Variants in MAGI2 observed in about 807,000 individuals in gnomAD.
MAGI2 encodes the protein membrane associated guanylate kinase, WW and PDZ domain containing 2.
A neutral mutation model predicts 133.3 loss-of-function variants in MAGI2; 35 were observed. That is an observed-to-expected ratio of 0.26 (90% confidence interval 0.20 to 0.35). The LOEUF (loss-of-function observed/expected upper bound fraction) is 0.35. Ranked by LOEUF, MAGI2 falls within the 10% of genes least tolerant of loss-of-function variation. The pLI is 1.00. For missense variants in MAGI2, 1,636 were observed against 1,863.4 expected (o/e 0.88, Z 2.25); for synonymous variants, 729 against 710.6 (o/e 1.03, Z -0.41).
chr7:78,297,114 A>ACTC (rs1217728881), intron 9 of MAGI2, among the ~76,000 whole-genome samples: 1 of 152,198 alleles, frequency 6.6e-6, no homozygotes, highest in African/African-American at 2.4e-5. Context: ...GTGGAGTATA[A>ACTC]CTCTAAGGTG....
intron 9 of MAGI2, among the ~76,000 whole-genome samples, chr7:78,283,197 CTT>C (rs1011561266): frequency 2.0e-3 from 303 of 152,154 alleles, no homozygotes; most frequent in African/African-American, 6.8e-3. Context: ...TATTCTAAAA[CTT>C]AAGTACAGAG....
At chr7:78,465,673 T>A (rs1790548410) in intron 6 of MAGI2, among the ~76,000 whole-genome samples, 1 of 152,204 alleles carries the variant, frequency 6.6e-6, no homozygotes, top group Admixed American at 6.5e-5. Context: ...AATAACTCTA[T>A]GAAAGAGGCT....
At chr7:79,420,724 A>G (rs1846897241) in intron 1 of MAGI2, among the ~76,000 whole-genome samples, 1 of 151,934 alleles carries the variant, frequency 6.6e-6, no homozygotes, top group Non-Finnish European at 1.5e-5. Context: ...GGTGAAATTC[A>G]TGGTCCACTA....
At chr7:78,669,117 T>G (rs944133299) in intron 2 of MAGI2, among the ~76,000 whole-genome samples, 1 of 151,992 alleles carries the variant, frequency 6.6e-6, no homozygotes, top group African/African-American at 2.4e-5. Flanking sequence ...TTTCAAAAAA[T>G]TAATGAATCC....
chr7:78,097,391 T>C (rs1817802186), intron 20 of MAGI2, among the ~76,000 whole-genome samples: 1 of 152,140 alleles, frequency 6.6e-6, no homozygotes, highest in African/African-American at 2.4e-5. Flanking sequence ...CTATTTACAA[T>C]AGCAAAGACA....
chr7:79,235,513 CG>C (rs1436532581), intron 1 of MAGI2, among the ~76,000 whole-genome samples: 3 of 152,174 alleles, frequency 2.0e-5, no homozygotes, highest in African/African-American at 2.4e-5. Flanking sequence ...GTTTTTTAAG[CG>C]GGTCTGAAAA....
At chr7:78,430,401 T>C (rs558906793) in intron 6 of MAGI2, among the ~76,000 whole-genome samples, 1 of 152,152 alleles carries the variant, frequency 6.6e-6, no homozygotes, top group African/African-American at 2.4e-5. Context: ...AATACAATCA[T>C]AAATTACCTT....
At chr7:79,085,492 G>T (rs546050796) in intron 1 of MAGI2, among the ~76,000 whole-genome samples, 1 of 151,896 alleles carries the variant, frequency 6.6e-6, no homozygotes, top group South Asian at 2.1e-4. Flanking sequence ...GCTTCATCAG[G>T]AACAGTTTCT....
intron 1 of MAGI2, among the ~76,000 whole-genome samples, chr7:79,203,167 A>G (rs1301451912): frequency 6.6e-6 from 1 of 152,086 alleles, no homozygotes; most frequent in Non-Finnish European, 1.5e-5. Context: ...CAGTGATACT[A>G]ACACTAGTAC....
intron 2 of MAGI2, among the ~76,000 whole-genome samples, chr7:78,922,060 A>C (rs1305014833): frequency 1.3e-5 from 2 of 152,150 alleles, no homozygotes; most frequent in Admixed American, 6.6e-5. Context: ...ATCACCAAGA[A>C]AAAGCAACAG....
chr7:78,469,162 C>A (rs573478417), intron 6 of MAGI2, among the ~76,000 whole-genome samples: 18 of 152,242 alleles, frequency 1.2e-4, no homozygotes, highest in African/African-American at 3.9e-4. Flanking sequence ...TCTCTGTAAA[C>A]TAAGCACATC....
rs73367631 is a variant in MAGI2 at position 78,368,134 on chromosome 7, C to T, written c.1103+1022G>A. On this transcript the variant is annotated intron_variant, in intron 7 of 21. Coordinates refer to ENST00000354212, the MANE Select transcript of MAGI2 (RefSeq NM_012301.4). ...TGGGTGAATGTAGTTAAGACAAGTG[C>T]TCCTGAGGGAGATACTCAAGGGCAG... is the stretch of plus-strand genomic sequence containing the variant. Among the ~76,000 whole-genome samples the T allele has an allele frequency of 1.5e-3, 221 of 152,222 alleles. 1 individual carries two copies. The highest frequency in any genetic ancestry group is 4.7e-3 in the African/African-American group (197 of 41,558).
intron 6 of MAGI2, among the ~76,000 whole-genome samples, chr7:78,431,819 G>T (rs1043884832): frequency 1.3e-5 from 2 of 151,772 alleles, no homozygotes; most frequent in African/African-American, 4.8e-5. Context: ...AAGGTGTCTC[G>T]TAAATAATAC....
intron 2 of MAGI2, among the ~76,000 whole-genome samples, chr7:78,833,978 T>G (rs580937): frequency 0.94 from 142,992 of 152,144 alleles, 67,707 homozygotes; most frequent in Non-Finnish European, 1. Flanking sequence ...AACGTGAAAG[T>G]CATTATTATG....
chr7:78,740,897 ATAT>A (rs1434756894), intron 2 of MAGI2, among the ~76,000 whole-genome samples: 1 of 152,224 alleles, frequency 6.6e-6, no homozygotes, highest in Non-Finnish European at 1.5e-5. Flanking sequence ...CCTGAGAAGA[ATAT>A]TATTCTCAAG....
chr7:78,454,914 A>G (rs568790088), intron 6 of MAGI2, among the ~76,000 whole-genome samples: 1 of 152,308 alleles, frequency 6.6e-6, no homozygotes, highest in East Asian at 1.9e-4. Flanking sequence ...GAAAGGGAGA[A>G]GGGATGAACG....
At position 78,770,184 on chromosome 7, in the gene MAGI2, T is replaced by C. The variant is rs191674665; in HGVS notation, c.419-142945A>G. Among the ~76,000 whole-genome samples, 9 of 152,348 alleles carry C rather than the reference T, an allele frequency of 5.9e-5. No homozygotes were observed. In the East Asian group the frequency reaches 1.7e-3, roughly 29 times the overall value. On this transcript the variant is annotated intron_variant, in intron 2 of 21. Coordinates refer to ENST00000354212, the MANE Select transcript of MAGI2 (RefSeq NM_012301.4). ...CTGCACAGCAAGAAACAAGAGAAAT[T>C]ATGTGTTTGTTTTACACACATCTGT...
At chr7:78,384,207 C>T (rs1003262562) in intron 6 of MAGI2, among the ~76,000 whole-genome samples, 1 of 151,970 alleles carries the variant, frequency 6.6e-6, no homozygotes, top group African/African-American at 2.4e-5. Flanking sequence ...TTACCAATGG[C>T]ATTACCTAAC....
At chr7:78,965,860 G>A (rs1803263449) in intron 2 of MAGI2, among the ~76,000 whole-genome samples, 2 of 151,998 alleles carry the variant, frequency 1.3e-5, no homozygotes, top group South Asian at 4.1e-4. Flanking sequence ...TTTCTTCCAG[G>A]TCATGACATT....
Sources: allele counts gnomAD v4.1 joint callset (sites outside exome capture counted in the v4.1 genomes callset), GRCh38; gene constraint gnomAD v4.1.1; transcripts MANE v1.5; gene names NCBI Gene and HGNC (gene_info 2026-07-23, HGNC 2026-07-21).